WNT9A: variants seen among roughly 807,000 people sequenced by gnomAD.
The protein encoded by WNT9A is Wnt family member 9A, also known as protein Wnt-9a.
WNT9A carries 8 observed loss-of-function variants against 31.4 expected under a neutral mutation model. The ratio of observed to expected loss-of-function variants is 0.26; its 90% CI spans 0.15 to 0.46. The LOEUF is 0.46. Among genes scored for constraint, WNT9A ranks in the 20% least tolerant of loss-of-function variants. The pLI is 0.99. For synonymous variants in WNT9A, 236 were observed against 220.1 expected, an observed-to-expected ratio of 1.07 and a Z score of -0.64; for missense variants, 457 against 522.9, an observed-to-expected ratio of 0.87 and a Z score of 1.23.
rs111538484 is a variant in WNT9A at position 227,925,260 on chromosome 1, C to T, written c.352+3G>A. On this transcript the variant is annotated splice_donor_region_variant and intron_variant, in intron 2 of 3. Coordinates refer to ENST00000272164, the MANE Select transcript of WNT9A (RefSeq NM_003395.4). This position sits in a 1 kb window ranked among gnomAD's most constrained non-coding sequence, Gnocchi z 6.0. ...TCCTGAGGGCCAGGCCGGCCACACT[C>T]ACCTCGCTTGAGCAGGCTGGCCCGG... 6.5e-7 allele frequency: 1 copy of T among 1,549,154 alleles called. No individual in the cohort carries two copies. Among genetic ancestry groups the T allele is most frequent in the Non-Finnish European group, 8.7e-7 (1 of 1,145,748 alleles).
Position 227,926,731 on chromosome 1 carries a change from C to T in WNT9A, c.96-1212G>A, listed in dbSNP as rs182305933. Among the ~76,000 whole-genome samples the T allele has an allele frequency of 6.8e-4, 103 of 152,060 alleles. No individual in the cohort carries two copies. Among genetic ancestry groups the T allele is most frequent in the African/African-American group, 2.4e-3 (98 of 41,490 alleles). ...CGACCAACCCACCCCCAGCAGAGAA[C>T]GGCAGACTCAGGATGTGCTGGGAGC... On this transcript the variant is annotated intron_variant, in intron 1 of 3. Coordinates refer to ENST00000272164, the MANE Select transcript of WNT9A (RefSeq NM_003395.4). The surrounding 1 kb of genome is among the most constrained non-coding windows in gnomAD (Gnocchi z 5.0).
rs112364764 is a variant in WNT9A, at chr1:227,920,959, C to T, written c.*559G>A. On this transcript the variant is annotated 3_prime_UTR_variant, in exon 4 of 4. Coordinates refer to ENST00000272164, the MANE Select transcript of WNT9A (RefSeq NM_003395.4). ...TTGGACAGCCAACCCAGAGGACCCC[C>T]GGCACCCTGCTCCAGCTGTACGCCC... 693 of 153,200 alleles carry T rather than the reference C, an allele frequency of 4.5e-3. 19 individuals are homozygous for T. Among genetic ancestry groups the T allele is most frequent in the South Asian group, 0.038 (185 of 4,854 alleles). The allele number at this position is 153,200 out of a possible 1,614,324, so 9.5% of individuals were successfully genotyped here.
In WNT9A at chr1:227,942,336, G is replaced by C. The variant is rs970281187; in HGVS notation, c.95+5457C>G. Among the ~76,000 whole-genome samples, 6 of 152,120 alleles carry C rather than the reference G, an allele frequency of 3.9e-5. No homozygotes were observed. Among genetic ancestry groups the C allele is most frequent in the African/African-American group, 1.4e-4 (6 of 41,436 alleles). On this transcript the variant is annotated intron_variant, in intron 1 of 3. Coordinates refer to ENST00000272164, the MANE Select transcript of WNT9A (RefSeq NM_003395.4). The surrounding 1 kb of genome is among the most constrained non-coding windows in gnomAD (Gnocchi z 5.7). ...GGCAGGGAGAGGCTGGGGGTTCCAA[G>C]GCCCCTGGGTGCAGAGCAGGAAGGA...
chr1:227,923,126 A>T (rs1666354003), intron 3 of WNT9A, among the ~76,000 whole-genome samples: 1 of 152,084 alleles, frequency 6.6e-6, no homozygotes, highest in Admixed American at 6.5e-5. Flanking sequence ...CTGCCCAAGA[A>T]GGCGGAAGGA....
chr1:227,945,917 G>A (rs1666787156), intron 1 of WNT9A, among the ~76,000 whole-genome samples: 1 of 152,150 alleles, frequency 6.6e-6, no homozygotes, highest in Non-Finnish European at 1.5e-5. Context: ...CCAGCCCCTG[G>A]TTCAGGAAGG....
Position 227,924,129 on chromosome 1 carries a change from C to T in WNT9A, c.615+9G>A. The T allele has an allele frequency of 6.3e-7, 1 of 1,599,400 alleles. No homozygotes were observed. Among genetic ancestry groups the T allele is most frequent in the Non-Finnish European group, 8.5e-7 (1 of 1,169,770 alleles). On this transcript the variant is annotated intron_variant, in intron 3 of 3. Transcript: ENST00000272164. ...TCCCTTCCCACCCCGCCAGCCCCAC[C>T]CCACTTGCCTTCACACCCACGAGGT...
At chr1:227,937,725 G>T (rs1291061825) in intron 1 of WNT9A, among the ~76,000 whole-genome samples, 6 of 152,254 alleles carry the variant, frequency 3.9e-5, no homozygotes, top group Non-Finnish European at 7.3e-5. Flanking sequence ...CTCCAGAGGG[G>T]CATGGCCCTG....
At position 227,924,258 on chromosome 1, in the gene WNT9A, C is replaced by A; in HGVS notation, c.495G>T (p.Trp165Cys). The A allele has an allele frequency of 6.2e-7, 1 of 1,613,904 alleles. No homozygotes were observed. The highest frequency in any genetic ancestry group is 8.5e-7 in the Non-Finnish European group (1 of 1,179,996). Residue 165 changes from tryptophan (W) to cysteine (C), a missense_variant, in exon 3 of 4, where the codon TGG becomes TGT. By Grantham distance (215) the Trp-to-Cys change is radical. Transcript: ENST00000272164. ...ACTTAAGGTTGTCTCCGCAGCCCCCCCACTGCCAGGCCTCACGGTTCTCCA... is the reference window on the plus strand; with the variant it reads ...ACTTAAGGTTGTCTCCGCAGCCCCCACACTGCCAGGCCTCACGGTTCTCCA... ...PDLENREAWQ[W>C]GGCGDNLKYS...
In WNT9A at chr1:227,918,766, G is replaced by A. The variant is rs562480506; in HGVS notation, c.*2752C>T. ...TCCCTCTGGGACGGGCCACACAGATGAGGTAGAGAAATCATTGCACGCACG... is the reference window on the plus strand; with the variant it reads ...TCCCTCTGGGACGGGCCACACAGATAAGGTAGAGAAATCATTGCACGCACG... On this transcript the variant is annotated 3_prime_UTR_variant, in exon 4 of 4. Coordinates refer to ENST00000272164, the MANE Select transcript of WNT9A (RefSeq NM_003395.4). 6.6e-6 allele frequency: 1 copy of A among 152,380 alleles called. No homozygotes were observed. Among genetic ancestry groups the A allele is most frequent in the African/African-American group, 2.4e-5 (1 of 41,588 alleles). The allele number at this position is 152,380 out of a possible 1,614,324, so 9.4% of individuals were successfully genotyped here.
In WNT9A at chr1:227,924,402, T is replaced by C; in HGVS notation, c.353-2A>G. On this transcript the variant is annotated splice_acceptor_variant, in intron 2 of 3. Coordinates refer to ENST00000272164, the MANE Select transcript of WNT9A (RefSeq NM_003395.4). LOFTEE classifies it high-confidence loss of function. ...AGAGGAAGGCAGTCTCCTTGAAGCC[T>C]GGGGTTGGCAAGGGCCGATCAGTGA... 1 of 1,607,996 alleles carries C rather than the reference T, an allele frequency of 6.2e-7. No homozygotes were observed. The highest frequency in any genetic ancestry group is 8.5e-7 in the Non-Finnish European group (1 of 1,175,302).
intron 3 of WNT9A, among the ~76,000 whole-genome samples, chr1:227,923,520 C>G (rs1666361383): frequency 6.6e-6 from 1 of 152,190 alleles, no homozygotes. Context: ...ACCCCAACAG[C>G]CAGTGGCCCC....
Position 227,921,410 on chromosome 1 carries a change from C to A in WNT9A, c.*108G>T. On this transcript the variant is annotated 3_prime_UTR_variant, in exon 4 of 4. Transcript: ENST00000272164. ...CACTGTGTGCAATGCCTGTACCCCA[C>A]GCAGCTGGGCTGGTCGAGCCCAGGA... 1.3e-6 allele frequency: 2 copies of A among 1,499,138 alleles called. No individual in the cohort carries two copies. The highest frequency in any genetic ancestry group is 1.8e-6 in the Non-Finnish European group (2 of 1,117,196). The allele number at this position is 1,499,138 out of a possible 1,614,324, so 92.9% of individuals were successfully genotyped here.
rs571422094 is a variant in WNT9A at position 227,942,623 on chromosome 1, C to T, written c.95+5170G>A. 4.6e-5 allele frequency among the ~76,000 whole-genome samples: 7 copies of T among 152,278 alleles called. No homozygotes were observed. The highest frequency in any genetic ancestry group is 1.7e-4 in the African/African-American group (7 of 41,560). ...GGTCTGCCCCACTGAGCCACTTCCA[C>T]GATCTCTCGAAACAAGGCAGCTCCC... On this transcript the variant is annotated intron_variant, in intron 1 of 3. Coordinates refer to ENST00000272164, the MANE Select transcript of WNT9A (RefSeq NM_003395.4). The surrounding 1 kb of genome is among the most constrained non-coding windows in gnomAD (Gnocchi z 5.7).
Position 227,921,264 on chromosome 1 carries a change from G to T in WNT9A, c.*254C>A. ...CAGGGATTCAGCCTTGGCAGGTGTAGGCCCATTCATGCTCTGTGCAATGCC... is the reference window on the plus strand; with the variant it reads ...CAGGGATTCAGCCTTGGCAGGTGTATGCCCATTCATGCTCTGTGCAATGCC... On this transcript the variant is annotated 3_prime_UTR_variant, in exon 4 of 4. Coordinates refer to ENST00000272164, the MANE Select transcript of WNT9A (RefSeq NM_003395.4). 1.9e-6 allele frequency: 1 copy of T among 538,338 alleles called. No homozygotes were observed. Among genetic ancestry groups the T allele is most frequent in the Non-Finnish European group, 3.2e-6 (1 of 310,410 alleles). 33.3% of individuals were successfully genotyped at this position (538,338 alleles called of 1,614,324 possible).
chr1:227,929,349 G>A lies in WNT9A; in HGVS notation c.96-3830C>T, dbSNP rs541879033. Among the ~76,000 whole-genome samples, 6 of 152,332 alleles carry A rather than the reference G, an allele frequency of 3.9e-5. No homozygotes were observed. The Middle Eastern group carries it at 0.01, about 259-fold the overall frequency. ...CTGATGGGAATATCGTCAAGGACAC[G>A]GGGAGACACTCTTCCACGGCTGGAA... On this transcript the variant is annotated intron_variant, in intron 1 of 3. Transcript: ENST00000272164.
chr1:227,924,480 A>C, intron 2 of WNT9A, 80 bp from the exon 3 acceptor site: 2 of 1,519,632 alleles, frequency 1.3e-6, no homozygotes, highest in Non-Finnish European at 8.9e-7. Context: ...AATCACCCCA[A>C]GAGTATGAAT....
chr1:227,922,016 G>T lies in WNT9A; in HGVS notation c.616-16C>A. On this transcript the variant is annotated splice_polypyrimidine_tract_variant and intron_variant, in intron 3 of 3. Transcript: ENST00000272164. ...CCTTGATCACCTGGCAGAAGGGTGC[G>T]GGAGGGAGGGCAGTGTGAGGGCTGT... 1 of 1,589,078 alleles carries T rather than the reference G, an allele frequency of 6.3e-7. No individual in the cohort carries two copies.
rs139376268 is a variant in WNT9A, at chr1:227,924,201, G to C, written c.552C>G (p.Gly184=). 6.2e-7 allele frequency: 1 copy of C among 1,612,812 alleles called. No homozygotes were observed. Among genetic ancestry groups the C allele is most frequent in the East Asian group, 2.2e-5 (1 of 44,828 alleles). Residue 184 remains glycine (G), a synonymous_variant, in exon 3 of 4, where the codon GGC becomes GGG. Coordinates refer to ENST00000272164, the MANE Select transcript of WNT9A (RefSeq NM_003395.4). ...YSSKFVKEFL[G]RRSSKDLRAR... ...CTCGCAGATCCTTGCTTGACCGTCT[G>C]CCCAGGAATTCCTTGACGAACTTGC...
chr1:227,929,826 G>A (rs1660286672), intron 1 of WNT9A, among the ~76,000 whole-genome samples: 1 of 152,172 alleles, frequency 6.6e-6, no homozygotes, highest in East Asian at 1.9e-4. Flanking sequence ...AAATAAAAGG[G>A]ACCCTAGAGA....
Sources: gnomAD v4.1 joint callset for allele counts (sites outside exome capture counted in the v4.1 genomes callset) on GRCh38, gnomAD v4.1.1 for gene constraint, Gnocchi (gnomAD v3.1) non-coding constraint, MANE v1.5 for transcripts, NCBI Gene and HGNC (gene_info 2026-07-23, HGNC 2026-07-21) for gene names.